The following LPIN1 variants were observed in gnomAD, a reference collection of about 807,000 sequenced individuals.
LPIN1 encodes phosphatidate phosphatase LPIN1.
LPIN1 carries 71 observed loss-of-function variants against 107.5 expected under a neutral mutation model. The observed-to-expected ratio is 0.66, with a 90% CI of 0.55 to 0.80. The LOEUF (loss-of-function observed/expected upper bound fraction) is 0.80. Ranked by LOEUF, LPIN1 falls within the 30% of genes least tolerant of loss-of-function variation. The probability of loss-of-function intolerance (pLI) is 0.00; values close to 1 mark genes in which losing one functional copy is unlikely to be tolerated. For synonymous variants in LPIN1, 445 were observed against 452.6 expected, an observed-to-expected ratio of 0.98 and a Z score of 0.21; for missense variants, 1,043 against 1,160.6, an observed-to-expected ratio of 0.90 and a Z score of 1.47.
At position 11,710,991 on chromosome 2, in the gene LPIN1, T is replaced by TG. The variant is rs1378574806; in HGVS notation, c.82-2760dup. Among the ~76,000 whole-genome samples, 3 of 152,332 alleles carry TG rather than the reference T, an allele frequency of 2.0e-5. No homozygotes were observed. The East Asian group carries it at 5.8e-4, about 29-fold the overall frequency. The stretch of plus-strand genomic sequence containing the variant: ...AATCTCTGAATTCAAACCAGACTCT[T>TG]GGGGGTCAGAGATATTGCTCCTCTG... On this transcript the variant is annotated intron_variant, in intron 1 of 21. Transcript: ENST00000449576.
chr2:11,745,750 A>C (rs1666835346), upstream of LPIN1, among the ~76,000 whole-genome samples: 1 of 151,738 alleles, frequency 6.6e-6, no homozygotes, highest in Non-Finnish European at 1.5e-5. Flanking sequence ...TAATACCTAA[A>C]CTCCTTGCCT....
intron 17 of LPIN1, among the ~76,000 whole-genome samples, chr2:11,809,472 A>C (rs866941968): frequency 6.6e-6 from 1 of 151,968 alleles, no homozygotes; most frequent in Non-Finnish European, 1.5e-5. Context: ...GCTGGAGTGC[A>C]ATGGCATGAT....
chr2:11,792,587 T>G (rs570746520), intron 13 of LPIN1, among the ~76,000 whole-genome samples: 1 of 152,148 alleles, frequency 6.6e-6, no homozygotes, highest in Non-Finnish European at 1.5e-5. Context: ...TTTGCCATGT[T>G]GCCCAGGCTG....
chr2:11,811,593 CAGCTTTT>C (rs1165526676), intron 17 of LPIN1, among the ~76,000 whole-genome samples: 1 of 152,218 alleles, frequency 6.6e-6, no homozygotes. Flanking sequence ...CTGCAGGTGG[CAGCTTTT>C]AGGACTTTGA....
At chr2:11,754,814 T>G (rs1411519296) in intron 1 of LPIN1, among the ~76,000 whole-genome samples, 8 of 152,194 alleles carry the variant, frequency 5.3e-5, no homozygotes, top group African/African-American at 1.4e-4. Context: ...CAGCCAGGCC[T>G]TCCGACCCCC....
intron 1 of LPIN1, among the ~76,000 whole-genome samples, chr2:11,756,690 C>T (rs1668745116): frequency 1.3e-5 from 2 of 152,116 alleles, no homozygotes; most frequent in Admixed American, 1.3e-4. Context: ...AGTGCCCGGC[C>T]CCTATATTTA....
At chr2:11,724,891 G>C (rs1344799622) in intron 1 of LPIN1, among the ~76,000 whole-genome samples, 1 of 152,320 alleles carries the variant, frequency 6.6e-6, no homozygotes, top group Middle Eastern at 3.4e-3. Flanking sequence ...AGGAATTCTT[G>C]TAAGAATGAT....
chr2:11,723,224 T>A (rs796068753), upstream of LPIN1, among the ~76,000 whole-genome samples: 46 of 152,350 alleles, frequency 3.0e-4, no homozygotes, highest in African/African-American at 1.1e-3. Flanking sequence ...AAGAGTGAGA[T>A]GACCCATGGT....
Position 11,700,468 on chromosome 2 carries a change from GCTCTCTCT to G in LPIN1, c.82-13276_82-13269del, listed in dbSNP as rs147476201. On this transcript the variant is annotated intron_variant, in intron 1 of 21. Coordinates refer to the LPIN1 transcript ENST00000449576. ...TTTCTCATTTTCTCTCTCTCTCTCA[GCTCTCTCT>G]CTCTCTCTCTCGCTCTCATTCTCTC... Among the ~76,000 whole-genome samples, 371 of 147,692 alleles carry G rather than the reference GCTCTCTCT, an allele frequency of 2.5e-3. 2 individuals are homozygous for G. The highest frequency in any genetic ancestry group is 4.1e-3 in the Non-Finnish European group (272 of 66,648).
Position 11,765,635 on chromosome 2 carries a change from G to T in LPIN1, c.94G>T (p.Asp32Tyr). The change falls in exon 2 of 21, where the codon GAC becomes TAC. Residue 32 changes from aspartate to tyrosine, a missense_variant. Asp to Tyr is a radical substitution (Grantham distance 160). Coordinates refer to ENST00000674199, the MANE Select transcript of LPIN1 (RefSeq NM_001349206.2). The surrounding 1 kb of genome is among the most constrained non-coding windows in gnomAD (Gnocchi z 4.4). ...LNPATLSGCI[D>Y]IIVIRQPNGN... ...TCCCGCCACACTCTCAGGGTGCATT[G>T]ACATCATTGTCATCCGCCAGCCCAA... 6.2e-7 allele frequency: 1 copy of T among 1,614,164 alleles called. No individual in the cohort carries two copies. Among genetic ancestry groups the T allele is most frequent in the South Asian group, 1.1e-5 (1 of 91,068 alleles).
chr2:11,759,119 GCTTGCTTTCTTTCTTTTCTTTCTTTCTTT>G (rs1669121072), intron 1 of LPIN1, among the ~76,000 whole-genome samples: 1 of 147,644 alleles, frequency 6.8e-6, no homozygotes, highest in South Asian at 2.1e-4. Flanking sequence ...GAGCTAGCTA[GCTTGCTTTCTTTCTTTTCTTTCTTTCTTT>G]CTTTCTTTCT....
chr2:11,824,815 A>C lies in LPIN1; in HGVS notation c.*24A>C, dbSNP rs761151933. 9 of 1,613,838 alleles carry C rather than the reference A, an allele frequency of 5.6e-6. No individual in the cohort carries two copies. Among genetic ancestry groups the C allele is most frequent in the Admixed American group, 1.7e-5 (1 of 60,008 alleles). On this transcript the variant is annotated 3_prime_UTR_variant, in exon 21 of 21. Transcript: ENST00000674199. ...AAAATGTCCCAAGCAGCCTCTTGCC[A>C]GCAGTGCAGAGCCTGGTTGTCACCC...
chr2:11,789,813 A>C (rs1396376481), intron 12 of LPIN1, among the ~76,000 whole-genome samples: 1 of 152,262 alleles, frequency 6.6e-6, no homozygotes, highest in Non-Finnish European at 1.5e-5. Flanking sequence ...TTATTTATTC[A>C]CTGAAGAAGA....
chr2:11,813,252 T>C (rs2148718435), intron 17 of LPIN1, among the ~76,000 whole-genome samples: 1 of 152,312 alleles, frequency 6.6e-6, no homozygotes, highest in South Asian at 2.1e-4. Flanking sequence ...TTGGGAGATA[T>C]CAGTGTATAG....
chr2:11,678,647 G>A (rs1302411804), intron 1 of LPIN1, among the ~76,000 whole-genome samples: 1 of 152,212 alleles, frequency 6.6e-6, no homozygotes, highest in Non-Finnish European at 1.5e-5. Flanking sequence ...ACTTCAGTCA[G>A]CTCCATCCTC....
At chr2:11,789,283 G>A (rs1675220984) in intron 12 of LPIN1, among the ~76,000 whole-genome samples, 1 of 152,198 alleles carries the variant, frequency 6.6e-6, no homozygotes, top group South Asian at 2.1e-4. Flanking sequence ...GTGTGTGTGT[G>A]TGTGCCTGTG....
At chr2:11,807,747 G>A (rs770274498) in intron 17 of LPIN1, among the ~76,000 whole-genome samples, 18 of 152,120 alleles carry the variant, frequency 1.2e-4, no homozygotes, top group Non-Finnish European at 2.5e-4. Context: ...TGTGTTGTCC[G>A]CGCACCCAGT....
rs1472266265 is a variant in LPIN1, at chr2:11,776,198, A to T, written c.830+5A>T. 6.6e-7 allele frequency: 1 copy of T among 1,516,724 alleles called. No individual in the cohort carries two copies. The highest frequency in any genetic ancestry group is 2.5e-5 in the East Asian group (1 of 40,602). The allele number at this position is 1,516,724 out of a possible 1,614,324, so 94.0% of individuals were successfully genotyped here. A position where few individuals can be genotyped will look rare whatever the true frequency, so the allele number is the denominator to read the frequency against. ...CCTGTTCCATCCTTCGGAAAGGTAGAGGAGTTATTTTCCCCATTGGGATAT... is the reference window on the plus strand; with the variant it reads ...CCTGTTCCATCCTTCGGAAAGGTAGTGGAGTTATTTTCCCCATTGGGATAT... On this transcript the variant is annotated splice_donor_5th_base_variant and intron_variant, in intron 6 of 20. Transcript: ENST00000674199.
At chr2:11,761,643 T>C (rs1308921119) in intron 1 of LPIN1, among the ~76,000 whole-genome samples, 1 of 152,170 alleles carries the variant, frequency 6.6e-6, no homozygotes, top group African/African-American at 2.4e-5. Flanking sequence ...TCCGCAGTTC[T>C]TACCAGCCCC....
Sources: gnomAD v4.1 joint callset for allele counts (sites outside exome capture counted in the v4.1 genomes callset) on GRCh38, gnomAD v4.1.1 for gene constraint, Gnocchi (gnomAD v3.1) non-coding constraint, MANE v1.5 for transcripts, NCBI Gene and HGNC (gene_info 2026-07-23, HGNC 2026-07-21) for gene names.